Variants in ZNF567 observed in about 807,000 individuals in gnomAD.
ZNF567 encodes the protein zinc finger protein 567.
ZNF567 carries 36 observed loss-of-function variants against 53.9 expected under a neutral mutation model. The ratio of observed to expected loss-of-function variants is 0.67; its 90% CI spans 0.51 to 0.88. The LOEUF (loss-of-function observed/expected upper bound fraction) is 0.88, where lower values mean the gene tolerates loss of function less well. ZNF567 is among the 40% of genes least tolerant of loss of function. ZNF567 has a pLI of 0.00. For synonymous variants in ZNF567, 224 were observed against 260.4 expected (o/e 0.86, Z 1.35); for missense variants, 619 against 764.7 (o/e 0.81, Z 2.25).
chr19:36,704,221 C>T (rs1256807238), intron 3 of ZNF567, among the ~76,000 whole-genome samples: 1 of 152,162 alleles, frequency 6.6e-6, no homozygotes, highest in Non-Finnish European at 1.5e-5. Flanking sequence ...AGGCGAATCA[C>T]TTGAGCCAGG....
At chr19:36,696,575 A>G (rs1187707984) in intron 3 of ZNF567, among the ~76,000 whole-genome samples, 1 of 152,084 alleles carries the variant, frequency 6.6e-6, no homozygotes. Flanking sequence ...TACAGCCAAC[A>G]TGAGTTAAAA....
intron 5 of ZNF567, among the ~76,000 whole-genome samples, chr19:36,716,309 C>G (rs915012193): frequency 6.6e-6 from 1 of 152,074 alleles, no homozygotes; most frequent in African/African-American, 2.4e-5. Flanking sequence ...TGTGTTCTCC[C>G]TTTATACTAT....
intron 3 of ZNF567, among the ~76,000 whole-genome samples, chr19:36,704,095 C>T (rs2039363825): frequency 6.6e-6 from 1 of 152,176 alleles, no homozygotes; most frequent in Non-Finnish European, 1.5e-5. Flanking sequence ...TGATTGAAGA[C>T]ATTCCAGTTT....
At position 36,706,669 on chromosome 19, in the gene ZNF567, G is replaced by GTTTTTTT. The variant is rs374899379; in HGVS notation, c.10-5712_10-5706dup. ...CTGATTTCCATCCTTTTTACTGTTG[G>GTTTTTTT]TTTTTTTTTTTGTTTTTTTTTTGAG... On this transcript the variant is annotated intron_variant, in intron 3 of 5. Coordinates refer to ENST00000682579, the MANE Select transcript of ZNF567 (RefSeq NM_001322917.1). Among the ~76,000 whole-genome samples, 4 of 108,968 alleles carry GTTTTTTT rather than the reference G, an allele frequency of 3.7e-5. 1 individual carries two copies. Among genetic ancestry groups the GTTTTTTT allele is most frequent in the African/African-American group, 1.2e-4 (3 of 25,750 alleles). The allele number at this position is 108,968 out of a possible 152,430, so 71.5% of individuals were successfully genotyped here. A position where few individuals can be genotyped will look rare whatever the true frequency, so the allele number is the denominator to read the frequency against.
chr19:36,717,090 G>C (rs893120722), intron 5 of ZNF567, among the ~76,000 whole-genome samples: 1 of 152,062 alleles, frequency 6.6e-6, no homozygotes, highest in African/African-American at 2.4e-5. Flanking sequence ...GCTTGCCAAA[G>C]TGCTGGGATT....
At chr19:36,716,912 G>A (rs560357220) in intron 5 of ZNF567, among the ~76,000 whole-genome samples, 14 of 152,150 alleles carry the variant, frequency 9.2e-5, no homozygotes, top group Non-Finnish European at 1.5e-4. Flanking sequence ...TGTAAACTCT[G>A]CCTTCCGGGT....
At chr19:36,702,162 T>A (rs1302368169) in intron 3 of ZNF567, among the ~76,000 whole-genome samples, 3 of 152,082 alleles carry the variant, frequency 2.0e-5, no homozygotes, top group Non-Finnish European at 4.4e-5. Flanking sequence ...TGTAAAGTAT[T>A]GTATTTCTCC....
chr19:36,720,727 A>C lies in ZNF567; in HGVS notation c.*59A>C, dbSNP rs933885690. ...CTGTTGTAAACATTTAGTTTTAAAA[A>C]GAAAAGCATGCTGAAACATGTTAAT... On this transcript the variant is annotated 3_prime_UTR_variant, in exon 6 of 6. Transcript: ENST00000682579. The C allele has an allele frequency of 9.2e-6, 13 of 1,412,824 alleles. No homozygotes were observed. The Middle Eastern group carries it at 7.0e-4, about 76-fold the overall frequency. 87.5% of individuals were successfully genotyped at this position (1,412,824 alleles called of 1,614,324 possible).
At chr19:36,704,109 G>C (rs2039365137) in intron 3 of ZNF567, among the ~76,000 whole-genome samples, 1 of 152,226 alleles carries the variant, frequency 6.6e-6, no homozygotes. Flanking sequence ...CCAGTTTGCT[G>C]ATAGTTTTTA....
In ZNF567 at chr19:36,720,056, TGAG is replaced by T. The variant is rs2040241973; in HGVS notation, c.1336_1338del (p.Glu446del). 25 of 1,612,134 alleles carry T rather than the reference TGAG, an allele frequency of 1.6e-5. No individual in the cohort carries two copies. The highest frequency in any genetic ancestry group is 2.0e-5 in the Non-Finnish European group (24 of 1,179,492). On this transcript the variant is annotated inframe_deletion, in exon 6 of 6. Coordinates refer to ENST00000682579, the MANE Select transcript of ZNF567 (RefSeq NM_001322917.1). The stretch of plus-strand genomic sequence containing the variant: ...TTGCTCTTCATGAGAAAACTCATAA[TGAG>T]GAGAAACCCTATATTTGTAGTGAAT...
At position 36,699,529 on chromosome 19, in the gene ZNF567, C is replaced by T. The variant is rs902059221; in HGVS notation, c.9+4653C>T. ...ACCTTGGTCAGTATGGCCATTTTCA[C>T]GATATTGATTCTTCCTACCCATGAG... is the stretch of plus-strand genomic sequence containing the variant. On this transcript the variant is annotated intron_variant, in intron 3 of 5. Transcript: ENST00000682579. 4.7e-4 allele frequency among the ~76,000 whole-genome samples: 71 copies of T among 152,110 alleles called. 1 individual carries two copies. The highest frequency in any genetic ancestry group is 4.3e-3 in the Admixed American group (66 of 15,256).
chr19:36,719,727 A>T lies in ZNF567; in HGVS notation c.1003A>T (p.Lys335Ter), dbSNP rs758864542. The T allele has an allele frequency of 4.3e-6, 7 of 1,614,060 alleles. No homozygotes were observed. The highest frequency in any genetic ancestry group is 2.5e-6 in the Non-Finnish European group (3 of 1,180,032). ...TCATCAGAGAACACACACAGGGGAG[A>T]AATCGTATGAATGTCTGCAATGTAG... ...TDHQRTHTGE[K>*]SYECLQCRNA... The change falls in exon 6 of 6, where the codon AAA becomes TAA. Residue 335 changes from lysine to a stop codon, truncating the protein, a stop_gained. Coordinates refer to ENST00000682579, the MANE Select transcript of ZNF567 (RefSeq NM_001322917.1). LOFTEE classifies it high-confidence loss of function.
Position 36,719,558 on chromosome 19 carries a change from A to G in ZNF567, c.834A>G (p.Glu278=). The change falls in exon 6 of 6, where the codon GAA becomes GAG. Residue 278 remains glutamate (E), a synonymous_variant. Transcript: ENST00000682579. ...TGCATCAGGGAATTCACTCAGAAGA[A>G]AAACCCTATCAATGTCATCAATGTG... The part of the protein sequence containing the change: ...LILHQGIHSE[E]KPYQCHQCGN... 6.2e-7 allele frequency: 1 copy of G among 1,614,166 alleles called. No individual in the cohort carries two copies. Among genetic ancestry groups the G allele is most frequent in the Non-Finnish European group, 8.5e-7 (1 of 1,180,020 alleles).
At chr19:36,696,639 A>T (rs1555802536) in intron 3 of ZNF567, among the ~76,000 whole-genome samples, 1 of 152,186 alleles carries the variant, frequency 6.6e-6, no homozygotes, top group Non-Finnish European at 1.5e-5. Flanking sequence ...CTCTTACCAC[A>T]GTTCCCTCCA....
At chr19:36,681,848 C>T in the ZNF567 span, among the ~76,000 whole-genome samples, 1 of 151,838 alleles carries the variant, frequency 6.6e-6, no homozygotes, top group Non-Finnish European at 1.5e-5. Context: ...AACACCAAAA[C>T]TTATTCCTCT....
chr19:36,682,953 T>C (rs80297478), upstream of ZNF567, among the ~76,000 whole-genome samples: 5,995 of 152,034 alleles, frequency 0.039, 153 homozygotes, highest in Non-Finnish European at 0.057. Flanking sequence ...TTAAAATTTG[T>C]GCTTCCTCTC....
the ZNF567 span, among the ~76,000 whole-genome samples, chr19:36,670,481 G>A: frequency 6.6e-6 from 1 of 151,838 alleles, no homozygotes; most frequent in Non-Finnish European, 1.5e-5. Context: ...TGCCTATTTG[G>A]CCCTGCAGAA....
In ZNF567 at chr19:36,719,462, A is replaced by C; in HGVS notation, c.738A>C (p.Ala246=). The change falls in exon 6 of 6, where the codon GCA becomes GCC. Residue 246 remains alanine (A), a synonymous_variant. Transcript: ENST00000682579. ...CTGTATATAATAAAAAAAGAAGAGCAACCAATATTGAAAAAAAACATACAT... is the reference window on the plus strand; with the variant it reads ...CTGTATATAATAAAAAAAGAAGAGCCACCAATATTGAAAAAAAACATACAT... ...NPSVYNKKRR[A]TNIEKKHTCN... 6.2e-7 allele frequency: 1 copy of C among 1,611,002 alleles called. No individual in the cohort carries two copies. The highest frequency in any genetic ancestry group is 8.5e-7 in the Non-Finnish European group (1 of 1,179,280).
At chr19:36,674,532 G>A in the ZNF567 span, among the ~76,000 whole-genome samples, 342 of 152,218 alleles carry the variant, frequency 2.2e-3, no homozygotes, top group Non-Finnish European at 3.8e-3. Flanking sequence ...TGATAGCAGG[G>A]CATTATGGCT....
Sources: allele counts gnomAD v4.1 joint callset (sites outside exome capture counted in the v4.1 genomes callset), GRCh38; gene constraint gnomAD v4.1.1; transcripts MANE v1.5; gene names NCBI Gene and HGNC (gene_info 2026-07-23, HGNC 2026-07-21).